RXRA: variants seen among roughly 807,000 people sequenced by gnomAD.
The protein encoded by RXRA is retinoic acid receptor RXR-alpha.
A neutral mutation model predicts 44.5 loss-of-function variants in RXRA; 5 were observed. The ratio of observed to expected loss-of-function variants is 0.11; its 90% CI spans 0.06 to 0.24. The LOEUF (loss-of-function observed/expected upper bound fraction) is 0.24. Ranked by LOEUF, RXRA falls within the 10% of genes least tolerant of loss-of-function variation. RXRA has a pLI of 1.00. For missense variants in RXRA, 412 were observed against 646.5 expected (o/e 0.64, Z 3.93); for synonymous variants, 291 against 271.4 (o/e 1.07, Z -0.71).
intron 4 of RXRA, 119 bp downstream of exon 4, chr9:134,409,238 C>T: frequency 9.5e-7 from 1 of 1,054,504 alleles, no homozygotes; most frequent in Non-Finnish European, 1.3e-6. Flanking sequence ...AGAAGCATGG[C>T]AAGGCCAAGG....
At position 134,386,380 on chromosome 9, in the gene RXRA, G is replaced by A. The variant is rs544361560; in HGVS notation, c.29-15252G>A. ...TGGCCTGGCGGGCGGGGGACCGCAG[G>A]TGGCTGGCAGGTGAGGGCCAGGTTT... On this transcript the variant is annotated intron_variant, in intron 1 of 9. Transcript: ENST00000481739. Among the ~76,000 whole-genome samples the A allele has an allele frequency of 2.5e-4, 38 of 152,388 alleles. No individual in the cohort carries two copies. In the East Asian group the frequency reaches 6.9e-3, roughly 28 times the overall value.
At position 134,415,862 on chromosome 9, in the gene RXRA, G is replaced by A. The variant is rs543400355; in HGVS notation, c.611-1296G>A. Among the ~76,000 whole-genome samples the A allele has an allele frequency of 7.9e-5, 12 of 152,358 alleles. 1 individual carries two copies. In the South Asian group the frequency reaches 2.1e-3, roughly 26 times the overall value. On this transcript the variant is annotated intron_variant, in intron 4 of 9. Coordinates refer to ENST00000481739, the MANE Select transcript of RXRA (RefSeq NM_002957.6). ...GGAGCTGTGCTGGACAGAGGTGGCC[G>A]CAGGACCCCATGGTCGCTGTTGCTT...
rs913725704 is a variant in RXRA at position 134,368,077 on chromosome 9, G to C, written c.29-33555G>C. ...CCAGCTTGCAGGGCCAGGAGCCTGC[G>C]GCAGCGGGCCTGGGGCTAGGGTCTC... is the stretch of plus-strand genomic sequence containing the variant. On this transcript the variant is annotated intron_variant, in intron 1 of 9. Coordinates refer to ENST00000481739, the MANE Select transcript of RXRA (RefSeq NM_002957.6). Among the ~76,000 whole-genome samples, 3 of 152,358 alleles carry C rather than the reference G, an allele frequency of 2.0e-5. No homozygotes were observed. In the South Asian group the frequency reaches 6.2e-4, roughly 32 times the overall value.
At chr9:134,432,064 C>G in intron 8 of RXRA, 68 bp downstream of exon 8, 1 of 1,235,772 alleles carries the variant, frequency 8.1e-7, no homozygotes, top group Non-Finnish European at 1.2e-6. Flanking sequence ...TGGGCCTCCT[C>G]CTGGCTGTAC....
intron 6 of RXRA, among the ~76,000 whole-genome samples, chr9:134,428,872 A>G (rs1023412476): frequency 7.2e-5 from 11 of 152,140 alleles, no homozygotes; most frequent in African/African-American, 2.7e-4. Flanking sequence ...GGGTTCCACA[A>G]AGCTCAAGGG....
At chr9:134,363,236 G>A (rs774846591) in intron 1 of RXRA, among the ~76,000 whole-genome samples, 6 of 152,172 alleles carry the variant, frequency 3.9e-5, no homozygotes, top group Admixed American at 6.5e-5. Context: ...TCATGGCCAC[G>A]GGCGAGGGGG....
Position 134,439,086 on chromosome 9 carries a change from C to G in RXRA, c.*2472C>G, listed in dbSNP as rs1259610721. 6.6e-6 allele frequency: 1 copy of G among 152,258 alleles called. No homozygotes were observed. Among genetic ancestry groups the G allele is most frequent in the Non-Finnish European group, 1.5e-5 (1 of 68,054 alleles). 9.4% of individuals were successfully genotyped at this position (152,258 alleles called of 1,614,324 possible). A position where few individuals can be genotyped will look rare whatever the true frequency, so the allele number is the denominator to read the frequency against. On this transcript the variant is annotated 3_prime_UTR_variant, in exon 10 of 10. Coordinates refer to ENST00000481739, the MANE Select transcript of RXRA (RefSeq NM_002957.6). ...GTAGAGAGGTAGAATTTCTATTTAA[C>G]CAGACCTGTAGTAGTATTACCAATC...
At position 134,326,480 on chromosome 9, in the gene RXRA, C is replaced by T. The variant is rs2118998299; in HGVS notation, c.-152C>T. On this transcript the variant is annotated 5_prime_UTR_variant, in exon 1 of 10. Coordinates refer to ENST00000481739, the MANE Select transcript of RXRA (RefSeq NM_002957.6). ...AGTTTACATTGTTGGGCGACTTTTG[C>T]AACAACTCGCCGCGCCGCGGCCTCC... The T allele has an allele frequency of 1.4e-5, 2 of 140,864 alleles. No homozygotes were observed. The highest frequency in any genetic ancestry group is 3.1e-5 in the Non-Finnish European group (2 of 63,934). 8.7% of individuals were successfully genotyped at this position (140,864 alleles called of 1,614,324 possible). A position where few individuals can be genotyped will look rare whatever the true frequency, so the allele number is the denominator to read the frequency against.
chr9:134,358,755 C>A (rs1345007272), intron 1 of RXRA, among the ~76,000 whole-genome samples: 1 of 152,230 alleles, frequency 6.6e-6, no homozygotes, highest in Admixed American at 6.5e-5. Context: ...AGGCCTGGGC[C>A]CCGGCTGGGG....
At position 134,421,723 on chromosome 9, in the gene RXRA, T is replaced by C; in HGVS notation, c.828T>C (p.Leu276=). ...TTTGCCAAGCAGCCGACAAACAGCTTTTCACCCTGGTGGAGTGGGCCAAGC... is the reference window on the plus strand; with the variant it reads ...TTTGCCAAGCAGCCGACAAACAGCTCTTCACCCTGGTGGAGTGGGCCAAGC... ...TNICQAADKQ[L]FTLVEWAKRI... Residue 276 remains leucine, a synonymous_variant, in exon 6 of 10, where the codon CTT becomes CTC. Coordinates refer to ENST00000481739, the MANE Select transcript of RXRA (RefSeq NM_002957.6). 6.3e-7 allele frequency: 1 copy of C among 1,584,762 alleles called. No individual in the cohort carries two copies. The highest frequency in any genetic ancestry group is 2.3e-5 in the East Asian group (1 of 44,260).
intron 1 of RXRA, among the ~76,000 whole-genome samples, chr9:134,346,174 CCCT>C (rs1830148944): frequency 6.6e-6 from 1 of 152,170 alleles, no homozygotes; most frequent in South Asian, 2.1e-4. Context: ...GACCATGCCG[CCCT>C]CCTCTTTAGT....
At chr9:134,390,736 G>A (rs1400286832) in intron 1 of RXRA, among the ~76,000 whole-genome samples, 1 of 152,180 alleles carries the variant, frequency 6.6e-6, no homozygotes, top group East Asian at 1.9e-4. Context: ...GTCCTGCTCA[G>A]CGGGCTGACG....
intron 1 of RXRA, among the ~76,000 whole-genome samples, chr9:134,344,578 C>CAGGCCCT (rs1245746903): frequency 6.6e-6 from 1 of 152,206 alleles, no homozygotes; most frequent in African/African-American, 2.4e-5. Flanking sequence ...GGCTGGATCC[C>CAGGCCCT]AGGCCCTGGG....
intron 6 of RXRA, chr9:134,423,976 T>G (rs1361640182): frequency 2.0e-6 from 2 of 982,496 alleles, no homozygotes; most frequent in Non-Finnish European, 2.4e-6. Context: ...CTGGCGGAGG[T>G]CCGAGTCGGG....
Position 134,402,023 on chromosome 9 carries a change from C to T in RXRA, c.279+141C>T, listed in dbSNP as rs1284504122. On this transcript the variant is annotated intron_variant, in intron 2 of 9. Coordinates refer to ENST00000481739, the MANE Select transcript of RXRA (RefSeq NM_002957.6). The stretch of plus-strand genomic sequence containing the variant: ...CCGCTTGACGCAGAGTATACAGAGC[C>T]TCGGGGAGCAGAGTGCCGTGGGGGT... 4.1e-6 allele frequency: 3 copies of T among 730,036 alleles called. No individual in the cohort carries two copies. In the Admixed American group the frequency reaches 9.0e-5, roughly 22 times the overall value. 45.2% of individuals were successfully genotyped at this position (730,036 alleles called of 1,614,324 possible). A position where few individuals can be genotyped will look rare whatever the true frequency, so the allele number is the denominator to read the frequency against.
chr9:134,363,974 G>A (rs1299708152), intron 1 of RXRA, among the ~76,000 whole-genome samples: 1 of 152,148 alleles, frequency 6.6e-6, no homozygotes, highest in East Asian at 1.9e-4. Flanking sequence ...GCCTTGTGGT[G>A]GGCATACTGG....
chr9:134,382,472 C>T (rs944619860), intron 1 of RXRA, among the ~76,000 whole-genome samples: 8 of 152,196 alleles, frequency 5.3e-5, no homozygotes, highest in Admixed American at 2.0e-4. Context: ...CCCTTGCAGC[C>T]GGTCCTGCGA....
chr9:134,374,552 C>A (rs976593417), intron 1 of RXRA, among the ~76,000 whole-genome samples: 6 of 152,204 alleles, frequency 3.9e-5, no homozygotes, highest in Non-Finnish European at 8.8e-5. Context: ...GGGCACCCCC[C>A]GCCTCCGGTC....
At chr9:134,413,427 C>T (rs1486635747) in intron 4 of RXRA, among the ~76,000 whole-genome samples, 1 of 152,164 alleles carries the variant, frequency 6.6e-6, no homozygotes, top group African/African-American at 2.4e-5. Flanking sequence ...TGATGCCTTG[C>T]TCTAGGTTGA....
Sources: allele counts gnomAD v4.1 joint callset (sites outside exome capture counted in the v4.1 genomes callset), GRCh38; gene constraint gnomAD v4.1.1; transcripts MANE v1.5; gene names NCBI Gene and HGNC (gene_info 2026-07-23, HGNC 2026-07-21).